Variants in TNRC6A observed in about 807,000 individuals in gnomAD.
TNRC6A encodes trinucleotide repeat containing adaptor 6A.
TNRC6A carries 44 observed loss-of-function variants against 221.2 expected under a neutral mutation model. That is an observed-to-expected ratio of 0.20 (90% CI 0.16 to 0.26). TNRC6A has a LOEUF of 0.26. TNRC6A is among the 10% of genes least tolerant of loss of function. The pLI is 1.00. For missense variants in TNRC6A, 2,199 were observed against 2,404.4 expected, an observed-to-expected ratio of 0.91 and a Z score of 1.79; for synonymous variants, 847 against 838.5, an observed-to-expected ratio of 1.01 and a Z score of -0.18.
At chr16:24,815,105 G>T in intron 18 of TNRC6A, 42 bp from the exon 19 acceptor site, 2 of 1,593,876 alleles carry the variant, frequency 1.3e-6, no homozygotes, top group Non-Finnish European at 8.6e-7. Context: ...ATAAATCTGT[G>T]TGTATTTTGC....
chr16:24,795,225 T>A (rs975334530), intron 8 of TNRC6A, among the ~76,000 whole-genome samples: 1 of 152,192 alleles, frequency 6.6e-6, no homozygotes, highest in Non-Finnish European at 1.5e-5. Context: ...TGTGGACAAA[T>A]CATATTCCTA....
At chr16:24,786,760 C>T (rs946500368) in intron 5 of TNRC6A, among the ~76,000 whole-genome samples, 1 of 152,098 alleles carries the variant, frequency 6.6e-6, no homozygotes, top group African/African-American at 2.4e-5. Context: ...CGGCTCACGG[C>T]AACAGCCTCT....
At chr16:24,801,051 G>T (rs1198726801) in intron 11 of TNRC6A, among the ~76,000 whole-genome samples, 1 of 152,176 alleles carries the variant, frequency 6.6e-6, no homozygotes, top group African/African-American at 2.4e-5. Context: ...AGAAATACAG[G>T]AATAGCAGGC....
At chr16:24,691,877 G>A (rs897597696) in intron 2 of TNRC6A, among the ~76,000 whole-genome samples, 1 of 152,112 alleles carries the variant, frequency 6.6e-6, no homozygotes, top group African/African-American at 2.4e-5. Context: ...GAAAAGAGAA[G>A]CCCAGGACTG....
intron 3 of TNRC6A, among the ~76,000 whole-genome samples, chr16:24,753,721 G>T (rs1424643404): frequency 6.6e-6 from 1 of 152,208 alleles, no homozygotes; most frequent in African/African-American, 2.4e-5. Context: ...TGAGCCAGGT[G>T]GGCAGGCCCA....
At position 24,791,044 on chromosome 16, in the gene TNRC6A, A is replaced by T. The variant is rs1314063378; in HGVS notation, c.2402A>T (p.Gln801Leu). The T allele has an allele frequency of 3.8e-6, 6 of 1,594,362 alleles. No individual in the cohort carries two copies. Among genetic ancestry groups the T allele is most frequent in the African/African-American group, 1.3e-5 (1 of 74,630 alleles). The change falls in exon 6 of 25, where the codon CAG (glutamine) becomes CTG (leucine). Residue 801 changes from glutamine to leucine, a missense_variant. Around this residue, in one of 8 missense-constraint regions of TNRC6A, gnomAD observed 1,405 missense variants for 1,400.2 expected, o/e 1.00. Transcript: ENST00000395799. ...GGAGATTCCAAAGGCTCAAACTGCC[A>T]GGGGGGGTGGGAAGATGATTCTGCT... ...RWGDSKGSNC[Q>L]GGWEDDSAAT...
intron 1 of TNRC6A, among the ~76,000 whole-genome samples, chr16:24,634,855 T>C (rs1023545603): frequency 1.3e-5 from 2 of 152,244 alleles, no homozygotes; most frequent in African/African-American, 4.8e-5. Flanking sequence ...GCCTGTGTCT[T>C]GCCCTAGAAT....
chr16:24,748,022 C>T (rs954196436), intron 2 of TNRC6A, among the ~76,000 whole-genome samples: 8 of 152,048 alleles, frequency 5.3e-5, no homozygotes, highest in African/African-American at 1.9e-4. Flanking sequence ...GAATAAGTAC[C>T]TGTGCTATTT....
chr16:24,692,141 A>G (rs1439962987), intron 2 of TNRC6A, among the ~76,000 whole-genome samples: 1 of 152,212 alleles, frequency 6.6e-6, no homozygotes, highest in Non-Finnish European at 1.5e-5. Context: ...TTTCTTTTGT[A>G]CAAGAAATAG....
intron 2 of TNRC6A, among the ~76,000 whole-genome samples, chr16:24,718,010 C>T (rs552962968): frequency 6.6e-6 from 1 of 152,002 alleles, no homozygotes; most frequent in South Asian, 2.1e-4. Context: ...ACTCCTGATC[C>T]CTGGTGATCC....
chr16:24,647,934 A>G (rs1902379540), intron 2 of TNRC6A, among the ~76,000 whole-genome samples: 1 of 152,048 alleles, frequency 6.6e-6, no homozygotes, highest in African/African-American at 2.4e-5. Context: ...TATGAGTTTG[A>G]CTACTCTAGG....
At chr16:24,720,277 C>T (rs563833298) in intron 2 of TNRC6A, among the ~76,000 whole-genome samples, 29 of 152,122 alleles carry the variant, frequency 1.9e-4, no homozygotes, top group Non-Finnish European at 4.1e-4. Flanking sequence ...CAGCTCACAC[C>T]TGTAGTCCCA....
chr16:24,703,035 A>AAAAATAAAATAAAATAAAAT (rs71156434), intron 2 of TNRC6A, among the ~76,000 whole-genome samples: 34 of 147,910 alleles, frequency 2.3e-4, no homozygotes, highest in Admixed American at 6.8e-4. Flanking sequence ...ACTCTGTGTC[A>AAAAATAAAATAAAATAAAAT]AAAATAAAAT....
chr16:24,703,192 C>T (rs1200632772), intron 2 of TNRC6A, among the ~76,000 whole-genome samples: 1 of 151,794 alleles, frequency 6.6e-6, no homozygotes, highest in Non-Finnish European at 1.5e-5. Context: ...AACTATCACC[C>T]CCATCTCCTG....
intron 3 of TNRC6A, among the ~76,000 whole-genome samples, chr16:24,755,292 A>G (rs2057226040): frequency 6.6e-6 from 1 of 152,200 alleles, no homozygotes; most frequent in Admixed American, 6.5e-5. Flanking sequence ...AAGACATTGT[A>G]GATGATCAGA....
intron 2 of TNRC6A, among the ~76,000 whole-genome samples, chr16:24,738,834 CTTTG>C (rs943453866): frequency 6.6e-6 from 1 of 152,022 alleles, no homozygotes; most frequent in East Asian, 1.9e-4. Flanking sequence ...TATATGGTAA[CTTTG>C]TTTAACTTTT....
intron 2 of TNRC6A, among the ~76,000 whole-genome samples, chr16:24,719,814 T>C (rs2056378431): frequency 6.7e-6 from 1 of 148,310 alleles, no homozygotes; most frequent in African/African-American, 2.5e-5. Context: ...GCACTCAAGC[T>C]CAGGCAACAG....
intron 18 of TNRC6A, among the ~76,000 whole-genome samples, chr16:24,811,498 T>G (rs2058543036): frequency 6.6e-6 from 1 of 152,024 alleles, no homozygotes; most frequent in Non-Finnish European, 1.5e-5. Flanking sequence ...GAAGCTGAGA[T>G]ATGAAAGATA....
intron 1 of TNRC6A, among the ~76,000 whole-genome samples, chr16:24,632,556 G>A (rs1901402602): frequency 6.6e-6 from 1 of 152,138 alleles, no homozygotes. Flanking sequence ...CACCTGGACT[G>A]GGTAAGACTC....
Sources: allele counts gnomAD v4.1 joint callset (sites outside exome capture counted in the v4.1 genomes callset), GRCh38; gene constraint gnomAD v4.1.1; regional missense constraint gnomAD v4.1.1; transcripts MANE v1.5; gene names NCBI Gene and HGNC (gene_info 2026-07-23, HGNC 2026-07-21).